Variants in EFCAB8 observed in about 807,000 individuals in gnomAD.
EFCAB8 encodes EF-hand calcium binding domain 8.
In EFCAB8, 100 loss-of-function variants were observed where a neutral mutation model predicts 116.3. The observed-to-expected ratio is 0.86, with a 90% confidence interval of 0.73 to 1.02. The LOEUF (loss-of-function observed/expected upper bound fraction) is 1.02, where lower values mean the gene tolerates loss of function less well. Ranked by LOEUF, EFCAB8 falls within the 50% of genes least tolerant of loss-of-function variation. The pLI is 0.00. For synonymous variants in EFCAB8, 558 were observed against 567.9 expected (o/e 0.98, Z 0.25); for missense variants, 1,320 against 1,416.9 (o/e 0.93, Z 1.10).
intron 22 of EFCAB8, among the ~76,000 whole-genome samples, chr20:32,940,080 C>CCTTG (rs1190049061): frequency 8.4e-6 from 1 of 118,726 alleles, no homozygotes; most frequent in South Asian, 2.9e-4. Context: ...TTCCTTCCTT[C>CCTTG]CTTGCTTTTT....
At chr20:32,893,130 C>G (rs62208906) in intron 8 of EFCAB8, 44 bp from the exon 9 acceptor site, 5 of 1,549,826 alleles carry the variant, frequency 3.2e-6, no homozygotes, top group Non-Finnish European at 4.4e-6. Context: ...TGTGAGCCAC[C>G]GCGCCCAGCC....
chr20:32,950,201 A>G (rs1165796368), intron 23 of EFCAB8, among the ~76,000 whole-genome samples: 4 of 152,276 alleles, frequency 2.6e-5, no homozygotes, highest in Non-Finnish European at 5.9e-5. Context: ...TATCAAACTT[A>G]AAAACTTCTG....
At chr20:32,930,747 G>A (rs78207337) in intron 21 of EFCAB8, 131 bp downstream of exon 21, 41,404 of 853,234 alleles carry the variant, frequency 0.049, 1,388 homozygotes, top group African/African-American at 0.13. Context: ...ACAATGCAGC[G>A]AGGAGTCCTC....
intron 11 of EFCAB8, among the ~76,000 whole-genome samples, chr20:32,901,984 C>A (rs1032617808): frequency 6.6e-6 from 1 of 152,140 alleles, no homozygotes; most frequent in Non-Finnish European, 1.5e-5. Context: ...CCGCTCCTGG[C>A]CTTGTTTTTT....
intron 11 of EFCAB8, among the ~76,000 whole-genome samples, 179 bp downstream of exon 11, chr20:32,898,802 C>T (rs73904074): frequency 0.024 from 3,722 of 152,272 alleles, 124 homozygotes; most frequent in African/African-American, 0.078. Context: ...ATCTCCCAAT[C>T]TATATGCAAA....
In EFCAB8 at chr20:32,917,517, G is replaced by A; in HGVS notation, c.2061+12G>A. The A allele has an allele frequency of 1.3e-6, 2 of 1,550,558 alleles. No individual in the cohort carries two copies. Among genetic ancestry groups the A allele is most frequent in the Non-Finnish European group, 1.7e-6 (2 of 1,146,360 alleles). Reference sequence around the variant, plus strand: ...TGCAGCCCAAGAGGGTATGTTAACAGGAGCACACTCTCCTCCCACCCTTCT... The same window carrying A: ...TGCAGCCCAAGAGGGTATGTTAACAAGAGCACACTCTCCTCCCACCCTTCT... On this transcript the variant is annotated intron_variant, in intron 18 of 26. Coordinates refer to ENST00000400522, the MANE Select transcript of EFCAB8 (RefSeq NM_001143967.2).
At position 32,893,241 on chromosome 20, in the gene EFCAB8, G is replaced by A. The variant is rs1403776458; in HGVS notation, c.826G>A (p.Glu276Lys). The change falls in exon 9 of 27, where the codon GAA becomes AAA. Residue 276 changes from glutamate (E) to lysine (K), a missense_variant. Transcript: ENST00000400522. ...AKGNVIVFTSENMTSGLFNPR... is the reference protein window; with the variant it reads ...AKGNVIVFTSKNMTSGLFNPR... ...AGGCAACGTCATTGTCTTCACCTCC[G>A]AAAACATGACCAGTGGGCTGTTCAA... The A allele has an allele frequency of 9.7e-6, 15 of 1,552,010 alleles. No individual in the cohort carries two copies. The highest frequency in any genetic ancestry group is 2.4e-5 in the East Asian group (1 of 40,910).
intron 23 of EFCAB8, among the ~76,000 whole-genome samples, chr20:32,955,370 T>A (rs932385324): frequency 1.3e-5 from 2 of 151,980 alleles, no homozygotes; most frequent in African/African-American, 4.8e-5. Flanking sequence ...TGAGACCCTG[T>A]CTCTACAAAA....
chr20:32,877,493 G>A (rs1985040411), intron 4 of EFCAB8, among the ~76,000 whole-genome samples: 1 of 152,204 alleles, frequency 6.6e-6, no homozygotes, highest in African/African-American at 2.4e-5. Flanking sequence ...ACAGGTGTGA[G>A]CCATTGCACT....
intron 5 of EFCAB8, among the ~76,000 whole-genome samples, chr20:32,881,032 A>G (rs1414516054): frequency 6.6e-6 from 1 of 152,242 alleles, no homozygotes; most frequent in Non-Finnish European, 1.5e-5. Flanking sequence ...GTCATTAATA[A>G]TTCATCCCAT....
At chr20:32,924,842 C>T (rs1464985436) in intron 20 of EFCAB8, among the ~76,000 whole-genome samples, 1 of 152,144 alleles carries the variant, frequency 6.6e-6, no homozygotes, top group Non-Finnish European at 1.5e-5. Flanking sequence ...TGTGTCCCCT[C>T]TGGATGCTGA....
intron 17 of EFCAB8, among the ~76,000 whole-genome samples, chr20:32,915,672 C>CTTTT (rs34915357): frequency 3.1e-3 from 443 of 141,784 alleles, no homozygotes; most frequent in African/African-American, 0.011. Context: ...CTATTACCTA[C>CTTTT]TTTTTTTTTT....
intron 22 of EFCAB8, among the ~76,000 whole-genome samples, chr20:32,936,692 C>T (rs922571869): frequency 6.6e-6 from 1 of 152,094 alleles, no homozygotes; most frequent in Non-Finnish European, 1.5e-5. Flanking sequence ...ATGCCAGCAC[C>T]ATACTGTTTT....
intron 22 of EFCAB8, among the ~76,000 whole-genome samples, chr20:32,935,226 G>A (rs1389173762): frequency 3.6e-5 from 2 of 54,888 alleles, no homozygotes; most frequent in Non-Finnish European, 7.0e-5. Context: ...TTGAGATGGC[G>A]TTTTGCTCTT....
intron 22 of EFCAB8, among the ~76,000 whole-genome samples, chr20:32,939,163 CTT>C (rs1343723532): frequency 2.3e-5 from 2 of 88,140 alleles, no homozygotes; most frequent in African/African-American, 4.5e-5. Flanking sequence ...TTCTTTCTTT[CTT>C]TCTTTCTTTC....
chr20:32,863,951 C>T (rs1391285291), intron 2 of EFCAB8, 117 bp downstream of exon 2: 2 of 1,125,608 alleles, frequency 1.8e-6, no homozygotes, highest in African/African-American at 1.6e-5. Flanking sequence ...GTTGCATACT[C>T]AGATATTTAC....
In EFCAB8 at chr20:32,943,639, G is replaced by A; in HGVS notation, c.2794G>A (p.Val932Met). 2.4e-6 allele frequency: 1 copy of A among 417,056 alleles called. No homozygotes were observed. 25.8% of individuals were successfully genotyped at this position (417,056 alleles called of 1,614,324 possible). A position where few individuals can be genotyped will look rare whatever the true frequency, so the allele number is the denominator to read the frequency against. Residue 932 changes from valine (V) to methionine (M), a missense_variant, in exon 23 of 27, where the codon GTG (valine) becomes ATG (methionine). Transcript: ENST00000400522. The part of the protein sequence containing the change: ...HYIPLEDKEV[V>M]AGHTISLVPP... Reference sequence around the variant, plus strand: ...TCTCCTGTACTGTCCCCTATAGGTTGTGGCTGGCCATACCATTTCCCTGGT... The same window carrying A: ...TCTCCTGTACTGTCCCCTATAGGTTATGGCTGGCCATACCATTTCCCTGGT...
At chr20:32,865,790 G>T (rs1984367778) in intron 2 of EFCAB8, among the ~76,000 whole-genome samples, 1 of 145,854 alleles carries the variant, frequency 6.9e-6, no homozygotes, top group African/African-American at 2.5e-5. Flanking sequence ...GTGAGACTCT[G>T]TCTCAAAAAA....
At chr20:32,863,874 A>T in intron 2 of EFCAB8, 40 bp downstream of exon 2, 1 of 1,547,976 alleles carries the variant, frequency 6.5e-7, no homozygotes, top group East Asian at 2.5e-5. Context: ...AGGGTGGGGC[A>T]TTCCAGAGTC....
Sources: gnomAD v4.1 joint callset for allele counts (sites outside exome capture counted in the v4.1 genomes callset) on GRCh38, gnomAD v4.1.1 for gene constraint, MANE v1.5 for transcripts, NCBI Gene and HGNC (gene_info 2026-07-23, HGNC 2026-07-21) for gene names.